CDK5RAP2: variants seen among roughly 807,000 people sequenced by gnomAD.
CDK5RAP2 encodes the protein CDK5 regulatory subunit associated protein 2.
In CDK5RAP2, 147 loss-of-function variants were observed where a neutral mutation model predicts 232.9. The observed-to-expected ratio is 0.63, with a 90% CI of 0.55 to 0.72. The LOEUF (loss-of-function observed/expected upper bound fraction) is 0.72, where lower values mean the gene tolerates loss of function less well. Among genes scored for constraint, CDK5RAP2 ranks in the 30% least tolerant of loss-of-function variants. The pLI is 0.00. For synonymous variants in CDK5RAP2, 833 were observed against 833.7 expected (o/e 1.00, Z 0.01); for missense variants, 2,195 against 2,231.5 (o/e 0.98, Z 0.33).
chr9:120,548,255 G>A (rs575691085), intron 4 of CDK5RAP2, among the ~76,000 whole-genome samples: 6 of 152,304 alleles, frequency 3.9e-5, no homozygotes, highest in Non-Finnish European at 7.3e-5. Context: ...CCTTCAAACA[G>A]AGGATTCTTT....
At chr9:120,464,715 TAC>T (rs1407681567) in intron 18 of CDK5RAP2, among the ~76,000 whole-genome samples, 1 of 151,912 alleles carries the variant, frequency 6.6e-6, no homozygotes, top group Non-Finnish European at 1.5e-5. Context: ...TAAACAATTC[TAC>T]ACAGAGTCAG....
intron 6 of CDK5RAP2, 110 bp downstream of exon 6, chr9:120,538,931 G>A: frequency 8.8e-7 from 1 of 1,133,916 alleles, no homozygotes; most frequent in Non-Finnish European, 1.3e-6. Flanking sequence ...AATAAGGGTA[G>A]CTGTTGTTTC....
At position 120,518,604 on chromosome 9, in the gene CDK5RAP2, G is replaced by C. The variant is rs1286388774; in HGVS notation, c.1134C>G (p.Ala378=). 1.9e-6 allele frequency: 3 copies of C among 1,613,538 alleles called. No individual in the cohort carries two copies. The highest frequency in any genetic ancestry group is 2.5e-6 in the Non-Finnish European group (3 of 1,179,960). The change falls in exon 12 of 38, where the codon GCC becomes GCG. Residue 378 remains alanine (A), a synonymous_variant. Transcript: ENST00000349780. ...TTTGTGAGCGCAGCGCAGCCGAAAG[G>C]GCTTCCTTTCCTGATAGAGCAGTCT... ...DYETALSGKE[A]LSAALRSQNL...
chr9:120,537,529 C>T (rs184403569), intron 6 of CDK5RAP2, among the ~76,000 whole-genome samples: 2 of 152,210 alleles, frequency 1.3e-5, no homozygotes, highest in East Asian at 1.9e-4. Flanking sequence ...GAGCTTCATT[C>T]GTATTATCTC....
intron 15 of CDK5RAP2, among the ~76,000 whole-genome samples, chr9:120,476,739 T>C (rs2038038026): frequency 6.6e-6 from 1 of 151,670 alleles, no homozygotes; most frequent in South Asian, 2.1e-4. Context: ...ACCCTGTGTG[T>C]ACAGACACAT....
intron 25 of CDK5RAP2, among the ~76,000 whole-genome samples, chr9:120,428,052 A>G (rs1267910941): frequency 6.6e-6 from 1 of 152,234 alleles, no homozygotes; most frequent in Non-Finnish European, 1.5e-5. Context: ...TGTTCTTTGA[A>G]GCCAACGAGA....
At chr9:120,445,020 G>A (rs974132837) in intron 22 of CDK5RAP2, among the ~76,000 whole-genome samples, 3 of 152,144 alleles carry the variant, frequency 2.0e-5, no homozygotes, top group Admixed American at 2.0e-4. Context: ...ACCCACTCTG[G>A]AAATCCTCTA....
intron 3 of CDK5RAP2, among the ~76,000 whole-genome samples, chr9:120,562,873 C>G (rs1588663186): frequency 6.6e-6 from 1 of 152,066 alleles, no homozygotes; most frequent in Non-Finnish European, 1.5e-5. Flanking sequence ...CCCAGTTTTA[C>G]AGATAAAGCA....
chr9:120,445,052 T>C (rs2036106454), intron 22 of CDK5RAP2, among the ~76,000 whole-genome samples: 1 of 152,224 alleles, frequency 6.6e-6, no homozygotes, highest in South Asian at 2.1e-4. Context: ...CCTCCTGCCC[T>C]GGTACTCATT....
At chr9:120,508,145 A>T (rs1393542098) in intron 12 of CDK5RAP2, among the ~76,000 whole-genome samples, 1 of 151,954 alleles carries the variant, frequency 6.6e-6, no homozygotes, top group Admixed American at 6.6e-5. Context: ...ACTGCGAGAA[A>T]GCTTGTCAAA....
intron 1 of CDK5RAP2, among the ~76,000 whole-genome samples, chr9:120,578,995 G>A (rs1293381350): frequency 1.3e-5 from 2 of 152,118 alleles, no homozygotes; most frequent in Admixed American, 1.3e-4. Context: ...TCTCCGTCAG[G>A]GCTCTCCTCC....
chr9:120,530,945 A>G (rs2041123218), intron 7 of CDK5RAP2, among the ~76,000 whole-genome samples: 2 of 151,644 alleles, frequency 1.3e-5, no homozygotes, highest in Admixed American at 6.6e-5. Context: ...AACATGGCAC[A>G]TGTATACATA....
At chr9:120,502,322 A>G (rs2039613904) in intron 12 of CDK5RAP2, among the ~76,000 whole-genome samples, 1 of 152,182 alleles carries the variant, frequency 6.6e-6, no homozygotes, top group Non-Finnish European at 1.5e-5. Flanking sequence ...ATGCTGAGTA[A>G]AGAGTGTGCA....
intron 7 of CDK5RAP2, among the ~76,000 whole-genome samples, chr9:120,531,467 A>G (rs1228283804): frequency 6.6e-6 from 1 of 152,204 alleles, no homozygotes; most frequent in Non-Finnish European, 1.5e-5. Context: ...GGCCATGGCA[A>G]GTAATTCCAT....
At position 120,517,767 on chromosome 9, in the gene CDK5RAP2, A is replaced by C. The variant is rs76506197; in HGVS notation, c.1311+660T>G. ...GCCCAGTTATTATACCTCTATCAGG[A>C]ACAATCAGTGAGGTGGGCATGGTGG... On this transcript the variant is annotated intron_variant, in intron 12 of 37. Coordinates refer to ENST00000349780, the MANE Select transcript of CDK5RAP2 (RefSeq NM_018249.6). The C allele has an allele frequency of 3.7e-3, 908 of 242,500 alleles. 3 individuals carry two copies. Among genetic ancestry groups the C allele is most frequent in the Non-Finnish European group, 6.5e-3 (757 of 117,278 alleles). 15.0% of individuals were successfully genotyped at this position (242,500 alleles called of 1,614,324 possible).
At chr9:120,440,763 C>A (rs1425504588) in intron 23 of CDK5RAP2, among the ~76,000 whole-genome samples, 1 of 152,180 alleles carries the variant, frequency 6.6e-6, no homozygotes, top group Non-Finnish European at 1.5e-5. Context: ...CAGAACCTAA[C>A]CCAGACCAGA....
chr9:120,436,671 G>A (rs2035600619), intron 25 of CDK5RAP2, among the ~76,000 whole-genome samples: 1 of 152,144 alleles, frequency 6.6e-6, no homozygotes, highest in African/African-American at 2.4e-5. Flanking sequence ...TAGAGCGCGT[G>A]TGTGTACAGA....
intron 22 of CDK5RAP2, among the ~76,000 whole-genome samples, chr9:120,446,472 C>T (rs1323661215): frequency 2.6e-5 from 4 of 152,142 alleles, no homozygotes; most frequent in Non-Finnish European, 4.4e-5. Flanking sequence ...GTGATCTGCC[C>T]GCCTTGGCCT....
At chr9:120,470,055 C>T (rs1051068781) in intron 17 of CDK5RAP2, 56 bp downstream of exon 17, 4 of 905,462 alleles carry the variant, frequency 4.4e-6, no homozygotes, top group Non-Finnish European at 5.3e-6. Flanking sequence ...ACCCAAGATA[C>T]AACAAACAAT....
Sources: gnomAD v4.1 joint callset for allele counts (sites outside exome capture counted in the v4.1 genomes callset) on GRCh38, gnomAD v4.1.1 for gene constraint, MANE v1.5 for transcripts, NCBI Gene and HGNC (gene_info 2026-07-23, HGNC 2026-07-21) for gene names.